The following ENOX1 variants were observed in gnomAD, a reference collection of about 807,000 sequenced individuals.
ENOX1 encodes the protein ecto-NOX disulfide-thiol exchanger 1.
ENOX1 carries 42 observed loss-of-function variants against 82.5 expected under a neutral mutation model. That is an observed-to-expected ratio of 0.51 (90% CI 0.40 to 0.66). The LOEUF (loss-of-function observed/expected upper bound fraction) is 0.66. Ranked by LOEUF, ENOX1 falls within the 30% of genes least tolerant of loss-of-function variation. ENOX1 has a pLI of 0.00. For synonymous variants in ENOX1, 271 were observed against 282.2 expected (o/e 0.96, Z 0.40); for missense variants, 608 against 811.6 (o/e 0.75, Z 3.05).
At chr13:43,375,461 G>A (rs933185230) in intron 5 of ENOX1, among the ~76,000 whole-genome samples, 5 of 152,144 alleles carry the variant, frequency 3.3e-5, no homozygotes, top group Admixed American at 6.5e-5. Flanking sequence ...TATTAATTAC[G>A]TACAAGTTTG....
intron 2 of ENOX1, among the ~76,000 whole-genome samples, chr13:43,536,419 T>G (rs2078463096): frequency 6.6e-6 from 1 of 152,208 alleles, no homozygotes; most frequent in Non-Finnish European, 1.5e-5. Context: ...TTTACAATAT[T>G]TGCTTTGGAG....
chr13:43,245,034 C>G (rs2043014120), intron 14 of ENOX1, among the ~76,000 whole-genome samples: 1 of 152,168 alleles, frequency 6.6e-6, no homozygotes, highest in Admixed American at 6.5e-5. Context: ...TCAAATTATT[C>G]CTTATATGAT....
chr13:43,287,044 G>A (rs922442615), intron 12 of ENOX1, among the ~76,000 whole-genome samples: 4 of 152,160 alleles, frequency 2.6e-5, no homozygotes, highest in African/African-American at 4.8e-5. Context: ...GGCTCAGACA[G>A]GCCTAGGCTG....
At chr13:43,440,290 A>G (rs1419983867) in intron 3 of ENOX1, among the ~76,000 whole-genome samples, 1 of 152,224 alleles carries the variant, frequency 6.6e-6, no homozygotes, top group Non-Finnish European at 1.5e-5. Flanking sequence ...AAGATGAATT[A>G]TTGAGAAACT....
chr13:43,691,737 G>C (rs1478100905), intron 1 of ENOX1, among the ~76,000 whole-genome samples: 2 of 140,078 alleles, frequency 1.4e-5, no homozygotes, highest in African/African-American at 5.4e-5. Context: ...GTCTCTTTCT[G>C]TCACCCAGGC....
At chr13:43,781,061 T>C (rs1952230661) in intron 1 of ENOX1, among the ~76,000 whole-genome samples, 2 of 152,264 alleles carry the variant, frequency 1.3e-5, no homozygotes, top group South Asian at 4.1e-4. Flanking sequence ...TTAGGATGGC[T>C]GTATTTGTGG....
chr13:43,482,551 T>G (rs2058545875), intron 3 of ENOX1, among the ~76,000 whole-genome samples: 1 of 152,072 alleles, frequency 6.6e-6, no homozygotes, highest in African/African-American at 2.4e-5. Context: ...AAGGATTTGC[T>G]GTACAACATG....
chr13:43,711,567 T>A (rs1261031568), intron 1 of ENOX1, among the ~76,000 whole-genome samples: 1 of 152,062 alleles, frequency 6.6e-6, no homozygotes, highest in African/African-American at 2.4e-5. Flanking sequence ...TTTCTCCACA[T>A]CCTCTCCAGC....
chr13:43,677,134 C>A (rs1227909437), intron 1 of ENOX1, among the ~76,000 whole-genome samples: 1 of 151,952 alleles, frequency 6.6e-6, no homozygotes, highest in African/African-American at 2.4e-5. Context: ...TTAAAATTTT[C>A]TTTCCTTTCT....
At chr13:43,593,512 C>T (rs572606048) in intron 2 of ENOX1, among the ~76,000 whole-genome samples, 2 of 151,732 alleles carry the variant, frequency 1.3e-5, no homozygotes, top group Admixed American at 1.3e-4. Flanking sequence ...CGAAGCTCAC[C>T]TGAGAAGTGA....
chr13:43,497,949 T>A (rs2076849471), intron 2 of ENOX1, among the ~76,000 whole-genome samples: 1 of 152,098 alleles, frequency 6.6e-6, no homozygotes, highest in Non-Finnish European at 1.5e-5. Context: ...AATATAAGAT[T>A]TAGTAAATTT....
intron 1 of ENOX1, among the ~76,000 whole-genome samples, chr13:43,671,085 T>G (rs2153790960): frequency 6.6e-6 from 1 of 152,198 alleles, no homozygotes; most frequent in Middle Eastern, 3.4e-3. Flanking sequence ...GATAGTAAGA[T>G]CTCATGAGAT....
intron 14 of ENOX1, among the ~76,000 whole-genome samples, chr13:43,254,473 A>T (rs947081280): frequency 2.6e-5 from 4 of 151,386 alleles, no homozygotes; most frequent in Non-Finnish European, 5.9e-5. Flanking sequence ...AGCTTTAATT[A>T]AAAAAAAATC....
At chr13:43,367,306 T>C (rs1216583112) in intron 5 of ENOX1, among the ~76,000 whole-genome samples, 1 of 152,256 alleles carries the variant, frequency 6.6e-6, no homozygotes, top group Admixed American at 6.5e-5. Context: ...ATTATTATTA[T>C]ACTTTTAACA....
At chr13:43,434,098 TTC>T (rs2055851836) in intron 3 of ENOX1, among the ~76,000 whole-genome samples, 1 of 152,216 alleles carries the variant, frequency 6.6e-6, no homozygotes, top group African/African-American at 2.4e-5. Context: ...TGCAGCTGTC[TTC>T]ATGCAGTTCA....
intron 3 of ENOX1, among the ~76,000 whole-genome samples, chr13:43,416,711 C>T (rs2054607527): frequency 6.7e-6 from 1 of 150,130 alleles, no homozygotes; most frequent in Non-Finnish European, 1.5e-5. Context: ...GGCAGAGGCG[C>T]TCCTCACTTC....
At chr13:43,716,998 A>G (rs1353949920) in intron 1 of ENOX1, among the ~76,000 whole-genome samples, 1 of 152,226 alleles carries the variant, frequency 6.6e-6, no homozygotes, top group East Asian at 1.9e-4. Flanking sequence ...TGCTATCCCT[A>G]TCAAAATACT....
At chr13:43,308,653 C>T (rs2047005964) in intron 11 of ENOX1, among the ~76,000 whole-genome samples, 2 of 152,188 alleles carry the variant, frequency 1.3e-5, no homozygotes, top group Non-Finnish European at 2.9e-5. Context: ...GTTTTCAATC[C>T]TTTGTGCAGC....
intron 3 of ENOX1, among the ~76,000 whole-genome samples, chr13:43,427,822 T>G (rs775348916): frequency 6.6e-6 from 1 of 152,174 alleles, no homozygotes; most frequent in Non-Finnish European, 1.5e-5. Context: ...ACAACTAGAT[T>G]CTGGATAAGA....
Sources: allele counts gnomAD v4.1 joint callset (sites outside exome capture counted in the v4.1 genomes callset), GRCh38; gene constraint gnomAD v4.1.1; transcripts MANE v1.5; gene names NCBI Gene and HGNC (gene_info 2026-07-23, HGNC 2026-07-21).